Variants in CNTN5 observed in about 807,000 individuals in gnomAD.
CNTN5 encodes the protein contactin-5.
Under a neutral mutation model 129.1 loss-of-function variants are expected in CNTN5, and 77 were observed. The observed-to-expected ratio is 0.60, with a 90% CI of 0.50 to 0.72. The LOEUF is 0.72. Ranked by LOEUF, CNTN5 falls within the 30% of genes least tolerant of loss-of-function variation. The pLI is 0.00. For synonymous variants in CNTN5, 509 were observed against 465.6 expected, an observed-to-expected ratio of 1.09 and a Z score of -1.20; for missense variants, 1,478 against 1,328.8, an observed-to-expected ratio of 1.11 and a Z score of -1.75.
chr11:99,700,691 G>A (rs1591499108), intron 3 of CNTN5, among the ~76,000 whole-genome samples: 1 of 151,324 alleles, frequency 6.6e-6, no homozygotes, highest in African/African-American at 2.4e-5. Context: ...AATACAATGA[G>A]AAAGAAGAAA....
intron 2 of CNTN5, among the ~76,000 whole-genome samples, chr11:99,369,145 CT>C (rs1464184159): frequency 1.1e-5 from 1 of 93,986 alleles, no homozygotes; most frequent in Admixed American, 1.1e-4. Context: ...GGTCATAAAA[CT>C]GACAAGAGGC....
At chr11:99,994,629 C>A (rs996045967) in intron 8 of CNTN5, among the ~76,000 whole-genome samples, 1 of 152,118 alleles carries the variant, frequency 6.6e-6, no homozygotes, top group Non-Finnish European at 1.5e-5. Context: ...GTTATTGTGT[C>A]ATCAGATTAA....
At chr11:99,336,112 A>T (rs1866212526) in intron 2 of CNTN5, among the ~76,000 whole-genome samples, 1 of 152,178 alleles carries the variant, frequency 6.6e-6, no homozygotes. Flanking sequence ...TGTACACAGT[A>T]GTAAATTCAA....
Position 100,328,962 on chromosome 11 carries a change from C to T in CNTN5, c.2731-11501C>T, listed in dbSNP as rs115007579. On this transcript the variant is annotated intron_variant, in intron 21 of 24. Coordinates refer to ENST00000524871, the MANE Select transcript of CNTN5 (RefSeq NM_014361.4). ...GAAGGAACTGGATCACCACTGAAAGCTCCTTGAGATGCTAAAAAACTGAGT... is the reference window on the plus strand; with the variant it reads ...GAAGGAACTGGATCACCACTGAAAGTTCCTTGAGATGCTAAAAAACTGAGT... Among the ~76,000 whole-genome samples, 1,353 of 152,228 alleles carry T rather than the reference C, an allele frequency of 8.9e-3. 19 individuals are homozygous for T. The highest frequency in any genetic ancestry group is 0.031 in the African/African-American group (1,278 of 41,526).
intron 21 of CNTN5, among the ~76,000 whole-genome samples, chr11:100,319,153 C>CTTTTT (rs1291858718): frequency 6.6e-5 from 9 of 137,388 alleles, no homozygotes; most frequent in South Asian, 2.3e-4. Flanking sequence ...TTTTTCTTTT[C>CTTTTT]TTTTTTTTTT....
chr11:100,010,609 C>T (rs1034711669), intron 9 of CNTN5, among the ~76,000 whole-genome samples: 3 of 148,584 alleles, frequency 2.0e-5, no homozygotes, highest in Admixed American at 6.7e-5. Flanking sequence ...GTGCCCCCTC[C>T]TGGCAGTGTA....
At chr11:99,257,337 G>A (rs534329951) in intron 1 of CNTN5, among the ~76,000 whole-genome samples, 1 of 152,168 alleles carries the variant, frequency 6.6e-6, no homozygotes, top group South Asian at 2.1e-4. Context: ...ATTGCTCAAC[G>A]TTGCACAACC....
chr11:99,295,719 A>G (rs532869869), intron 1 of CNTN5, among the ~76,000 whole-genome samples: 17 of 151,392 alleles, frequency 1.1e-4, no homozygotes, highest in African/African-American at 4.1e-4. Flanking sequence ...TACTAAAAAT[A>G]CAAAAAATTA....
intron 2 of CNTN5, among the ~76,000 whole-genome samples, chr11:99,525,555 T>C (rs1242138812): frequency 2.0e-5 from 3 of 152,218 alleles, no homozygotes; most frequent in Non-Finnish European, 2.9e-5. Flanking sequence ...ATTAAAATGA[T>C]AGATGGACTT....
At position 99,887,301 on chromosome 11, in the gene CNTN5, G is replaced by A. The variant is rs1180023357; in HGVS notation, c.578-28753G>A. Among the ~76,000 whole-genome samples the A allele has an allele frequency of 2.0e-5, 3 of 152,110 alleles. No individual in the cohort carries two copies. In the East Asian group the frequency reaches 5.8e-4, roughly 29 times the overall value. ...GAGGGAGAATAATTCATAAAGATTG[G>A]CAGAGATGGTAATTTTTTGTAAATG... is the stretch of plus-strand genomic sequence containing the variant. On this transcript the variant is annotated intron_variant, in intron 6 of 24. Coordinates refer to ENST00000524871, the MANE Select transcript of CNTN5 (RefSeq NM_014361.4).
chr11:99,851,159 T>C (rs1947862068), intron 6 of CNTN5, among the ~76,000 whole-genome samples: 1 of 152,030 alleles, frequency 6.6e-6, no homozygotes, highest in Admixed American at 6.6e-5. Context: ...AATAAATATT[T>C]ATATATAAAC....
intron 3 of CNTN5, among the ~76,000 whole-genome samples, chr11:99,646,187 G>A (rs1394618004): frequency 6.6e-6 from 1 of 152,160 alleles, no homozygotes; most frequent in East Asian, 1.9e-4. Flanking sequence ...GGCAGCTCAT[G>A]TCTATGTACA....
chr11:99,206,790 A>G (rs77177436), intron 1 of CNTN5, among the ~76,000 whole-genome samples: 2,199 of 152,266 alleles, frequency 0.014, 45 homozygotes, highest in African/African-American at 0.049. Flanking sequence ...TGGTTTTGTC[A>G]TAATGTTTTT....
intron 3 of CNTN5, among the ~76,000 whole-genome samples, chr11:99,739,167 G>A (rs1943811187): frequency 6.6e-6 from 1 of 151,986 alleles, no homozygotes; most frequent in Non-Finnish European, 1.5e-5. Context: ...ACCACATAGA[G>A]CATAATTGTT....
At chr11:99,881,976 T>C (rs1948783600) in intron 6 of CNTN5, among the ~76,000 whole-genome samples, 1 of 152,192 alleles carries the variant, frequency 6.6e-6, no homozygotes, top group South Asian at 2.1e-4. Flanking sequence ...ACTACTCTGC[T>C]GAGCCTGAAT....
intron 16 of CNTN5, among the ~76,000 whole-genome samples, chr11:100,247,954 A>T (rs184310394): frequency 5.3e-4 from 81 of 152,180 alleles, no homozygotes; most frequent in Non-Finnish European, 2.5e-4. Context: ...CTCTGCATTA[A>T]TCTAATCTTC....
chr11:99,521,625 C>T (rs1328317149), intron 2 of CNTN5, among the ~76,000 whole-genome samples: 2 of 152,116 alleles, frequency 1.3e-5, no homozygotes, highest in Non-Finnish European at 2.9e-5. Flanking sequence ...ACTGCGTTAG[C>T]TTGCTATTTC....
At chr11:99,059,861 C>G (rs766148923) in intron 1 of CNTN5, among the ~76,000 whole-genome samples, 3 of 151,934 alleles carry the variant, frequency 2.0e-5, no homozygotes, top group Non-Finnish European at 2.9e-5. Flanking sequence ...AATATTATTG[C>G]TAGTTATATA....
intron 6 of CNTN5, among the ~76,000 whole-genome samples, chr11:99,880,395 A>G (rs921447373): frequency 2.6e-5 from 4 of 152,228 alleles, no homozygotes; most frequent in Non-Finnish European, 4.4e-5. Context: ...AAAAGTAAAT[A>G]CAAATATGAA....
Sources: allele counts gnomAD v4.1 joint callset (sites outside exome capture counted in the v4.1 genomes callset), GRCh38; gene constraint gnomAD v4.1.1; transcripts MANE v1.5; gene names NCBI Gene and HGNC (gene_info 2026-07-23, HGNC 2026-07-21).